The following NDUFAF7 variants were observed in gnomAD, a reference collection of about 807,000 sequenced individuals.
NDUFAF7 encodes NADH:ubiquinone oxidoreductase complex assembly factor 7.
Under a neutral mutation model 47.2 loss-of-function variants are expected in NDUFAF7, and 48 were observed. The ratio of observed to expected loss-of-function variants is 1.02; its 90% confidence interval spans 0.81 to 1.29. The LOEUF (loss-of-function observed/expected upper bound fraction) is 1.29. Ranked by LOEUF, NDUFAF7 falls within the 50% of genes most tolerant of loss-of-function variation. The pLI is 0.00. For missense variants in NDUFAF7, 635 were observed against 537.6 expected, an observed-to-expected ratio of 1.18 and a Z score of -1.79; for synonymous variants, 217 against 190.0, an observed-to-expected ratio of 1.14 and a Z score of -1.17.
At chr2:37,270,494 C>CT in the NDUFAF7 span, among the ~76,000 whole-genome samples, 5 of 151,240 alleles carry the variant, frequency 3.3e-5, no homozygotes, top group Admixed American at 2.0e-4. Flanking sequence ...GCCCCCTTCC[C>CT]TTTTTTTTTC....
chr2:37,249,598 CACACAGA>C (rs1558510692), downstream of NDUFAF7, among the ~76,000 whole-genome samples: 14 of 110,730 alleles, frequency 1.3e-4, no homozygotes, highest in Non-Finnish European at 1.7e-4. Flanking sequence ...CACACACACA[CACACAGA>C]GGGGAGATCG....
the NDUFAF7 span, among the ~76,000 whole-genome samples, chr2:37,259,065 C>G: frequency 6.7e-6 from 1 of 148,180 alleles, no homozygotes. Context: ...AAAAAAAAAA[C>G]TCAACTGAAT....
Position 37,248,505 on chromosome 2 carries a change from CT to C in NDUFAF7, c.*159del. On this transcript the variant is annotated 3_prime_UTR_variant, in exon 10 of 10. Coordinates refer to ENST00000002125, the MANE Select transcript of NDUFAF7 (RefSeq NM_144736.5). ...ATATAATACAACCAACATTATAGAA[CT>C]TTTAGGGTTGTGACTGGCTTTGGTG... The C allele has an allele frequency of 2.6e-6, 2 of 766,768 alleles. No homozygotes were observed. Among genetic ancestry groups the C allele is most frequent in the Non-Finnish European group, 4.4e-6 (2 of 453,366 alleles). The allele number at this position is 766,768 out of a possible 1,614,324, so 47.5% of individuals were successfully genotyped here. A position where few individuals can be genotyped will look rare whatever the true frequency, so the allele number is the denominator to read the frequency against.
rs372126937 is a variant in NDUFAF7 at position 37,236,101 on chromosome 2, T to C, written c.222T>C (p.Tyr74=). 3.0e-5 allele frequency: 48 copies of C among 1,611,974 alleles called. No individual in the cohort carries two copies. The highest frequency in any genetic ancestry group is 3.3e-4 in the Middle Eastern group (2 of 6,080). Residue 74 remains tyrosine (Y), a synonymous_variant, in exon 3 of 10, where the codon TAT becomes TAC. Coordinates refer to ENST00000002125, the MANE Select transcript of NDUFAF7 (RefSeq NM_144736.5). ...TATTTTCTCTTTTTACTCAGGGTTA[T>C]TATGTGTACCGTGACATGCTAGGCG... ...KEVLTNPAKG[Y]YVYRDMLGEK... is the part of the protein sequence containing the mutation.
At chr2:37,244,041 A>T (rs527855953) in intron 7 of NDUFAF7, 68 bp downstream of exon 7, 1 of 1,318,858 alleles carries the variant, frequency 7.6e-7, no homozygotes, top group African/African-American at 1.5e-5. Flanking sequence ...TTTCTGAGTT[A>T]CTACTTTAGA....
At chr2:37,259,921 T>C in the NDUFAF7 span, among the ~76,000 whole-genome samples, 4 of 152,196 alleles carry the variant, frequency 2.6e-5, no homozygotes, top group Middle Eastern at 3.2e-3. Context: ...TCCCAGCACT[T>C]TGGGAGACCT....
the NDUFAF7 span, chr2:37,260,117 T>C: frequency 6.2e-5 from 63 of 1,017,522 alleles, no homozygotes; most frequent in African/African-American, 2.1e-4. Context: ...GTGAGCCAGA[T>C]TGCACCACTG....
intron 4 of NDUFAF7, among the ~76,000 whole-genome samples, chr2:37,238,081 G>A (rs1665977475): frequency 6.6e-6 from 1 of 152,086 alleles, no homozygotes; most frequent in African/African-American, 2.4e-5. Flanking sequence ...CTAAAAATAG[G>A]AAACATTTAG....
intron 3 of NDUFAF7, among the ~76,000 whole-genome samples, chr2:37,237,369 G>A (rs750058269): frequency 2.0e-5 from 3 of 152,162 alleles, no homozygotes; most frequent in African/African-American, 2.4e-5. Flanking sequence ...TAGAATGTGC[G>A]TATCGAAAAA....
At chr2:37,249,476 C>T (rs576489096), downstream of NDUFAF7, among the ~76,000 whole-genome samples, 1 of 151,620 alleles carries the variant, frequency 6.6e-6, no homozygotes, top group East Asian at 1.9e-4. Flanking sequence ...ACTCACGAGG[C>T]TGAGGTAGGA....
intron 4 of NDUFAF7, among the ~76,000 whole-genome samples, chr2:37,239,178 G>T (rs926625105): frequency 6.7e-6 from 1 of 149,392 alleles, no homozygotes; most frequent in African/African-American, 2.5e-5. Flanking sequence ...GAGTGCAGTG[G>T]TACGATCTTG....
chr2:37,242,738 G>C (rs778388872), intron 6 of NDUFAF7, 45 bp downstream of exon 6: 111 of 1,407,214 alleles, frequency 7.9e-5, no homozygotes, highest in Non-Finnish European at 1.0e-4. Flanking sequence ...GAATACAAAA[G>C]GCATTGTGTT....
chr2:37,245,263 T>C (rs1356094185), intron 7 of NDUFAF7, among the ~76,000 whole-genome samples: 1 of 152,224 alleles, frequency 6.6e-6, no homozygotes, highest in Non-Finnish European at 1.5e-5. Context: ...GGCAGGTCAT[T>C]ACTGCATTTC....
downstream of NDUFAF7, chr2:37,252,233 A>T (rs1028108072): frequency 1.3e-5 from 2 of 152,182 alleles, no homozygotes; most frequent in African/African-American, 4.8e-5. Flanking sequence ...GCATTAACTG[A>T]CCCTGCACTG....
rs1665953594 is a variant in NDUFAF7, at chr2:37,237,825, A to G, written c.366A>G (p.Glu122=). ...TGKSTAFQLV[E]LGPGRGTLVG... ...AAAGCACAGCTTTCCAGCTGGTGGA[A>G]CTGGGCCCAGGTAGGGGAACCCTCG... is the stretch of plus-strand genomic sequence containing the variant. The change falls in exon 4 of 10, where the codon GAA becomes GAG. Residue 122 remains glutamate, a synonymous_variant. Transcript: ENST00000002125. 1 of 1,613,276 alleles carries G rather than the reference A, an allele frequency of 6.2e-7. No homozygotes were observed. Among genetic ancestry groups the G allele is most frequent in the South Asian group, 1.1e-5 (1 of 91,058 alleles).
Position 37,248,148 on chromosome 2 carries a change from A to C in NDUFAF7, c.1124A>C (p.Lys375Thr), listed in dbSNP as rs1667119462. ...TTTTCTTTTCAGGTTCTTTTAGATA[A>C]ATCAAATGAGCCATCAGTGAGGCAG... ...IDVRLKVLLD[K>T]SNEPSVRQQL... The change falls in exon 10 of 10, where the codon AAA becomes ACA. Residue 375 changes from lysine (K) to threonine (T), a missense_variant. Coordinates refer to ENST00000002125, the MANE Select transcript of NDUFAF7 (RefSeq NM_144736.5). 1 of 1,613,586 alleles carries C rather than the reference A, an allele frequency of 6.2e-7. No individual in the cohort carries two copies. Among genetic ancestry groups the C allele is most frequent in the African/African-American group, 1.3e-5 (1 of 75,020 alleles).
chr2:37,238,579 C>T (rs57572933), intron 4 of NDUFAF7, among the ~76,000 whole-genome samples: 311 of 151,164 alleles, frequency 2.1e-3, no homozygotes, highest in African/African-American at 6.9e-3. Flanking sequence ...AGCAAGACCT[C>T]GTCTCTTTTT....
downstream of NDUFAF7, chr2:37,249,279 G>T (rs941991806): frequency 6.6e-6 from 1 of 152,120 alleles, no homozygotes; most frequent in African/African-American, 2.4e-5. Context: ...CTGGGTATTT[G>T]AATTTCTTAC....
downstream of NDUFAF7, chr2:37,251,170 T>G (rs1307901828): frequency 6.6e-6 from 1 of 152,640 alleles, no homozygotes; most frequent in Non-Finnish European, 1.5e-5. Flanking sequence ...GAAGTCATCC[T>G]CTATCACAGG....
Sources: gnomAD v4.1 joint callset for allele counts (sites outside exome capture counted in the v4.1 genomes callset) on GRCh38, gnomAD v4.1.1 for gene constraint, MANE v1.5 for transcripts, NCBI Gene and HGNC (gene_info 2026-07-23, HGNC 2026-07-21) for gene names.